The following PRKD1 variants were observed in gnomAD, a reference collection of about 807,000 sequenced individuals.
PRKD1 encodes serine/threonine-protein kinase D1.
In PRKD1, 63 loss-of-function variants were observed where a neutral mutation model predicts 95.9. That is an observed-to-expected ratio of 0.66 (90% CI 0.54 to 0.81). PRKD1 has a LOEUF of 0.81. PRKD1 is among the 30% of genes least tolerant of loss of function. PRKD1 has a pLI of 0.00. For missense variants in PRKD1, 1,048 were observed against 1,165.3 expected (o/e 0.90, Z 1.47); for synonymous variants, 425 against 423.1 (o/e 1.00, Z -0.05).
chr14:29,757,950 T>C (rs898172296), intron 1 of PRKD1, among the ~76,000 whole-genome samples: 5 of 152,022 alleles, frequency 3.3e-5, no homozygotes, highest in African/African-American at 1.2e-4. Flanking sequence ...ATCCACCAGA[T>C]CATGTTGACA....
At chr14:29,722,755 G>C (rs1022919402) in intron 2 of PRKD1, among the ~76,000 whole-genome samples, 7 of 152,160 alleles carry the variant, frequency 4.6e-5, no homozygotes, top group Admixed American at 3.3e-4. Flanking sequence ...TGGCAAAAAT[G>C]GGTGGTAAAG....
chr14:29,700,135 T>C (rs984690515), intron 2 of PRKD1, among the ~76,000 whole-genome samples: 9 of 152,008 alleles, frequency 5.9e-5, no homozygotes, highest in African/African-American at 1.7e-4. Context: ...AAATTCCAGA[T>C]ATTTTGTCAT....
At chr14:29,888,239 C>G (rs1469319121) in intron 1 of PRKD1, among the ~76,000 whole-genome samples, 1 of 150,654 alleles carries the variant, frequency 6.6e-6, no homozygotes, top group Non-Finnish European at 1.5e-5. Context: ...AGGAGTGATC[C>G]TATGATTTTG....
At chr14:29,857,274 C>G (rs978376944) in intron 1 of PRKD1, among the ~76,000 whole-genome samples, 1 of 152,146 alleles carries the variant, frequency 6.6e-6, no homozygotes. Context: ...AGCATGAACC[C>G]TATCCACACT....
At position 29,626,472 on chromosome 14, in the gene PRKD1, G is replaced by A. The variant is rs1317579444; in HGVS notation, c.1798+12C>T. ...TTTTAAGTTCATAAAAATACTCAGT[G>A]AGATAACCTACCTCCATAAACAATT... On this transcript the variant is annotated intron_variant, in intron 12 of 17. Coordinates refer to ENST00000331968, the MANE Select transcript of PRKD1 (RefSeq NM_002742.3). 5.6e-6 allele frequency: 9 copies of A among 1,598,538 alleles called. No homozygotes were observed. In the East Asian group the frequency reaches 1.8e-4, roughly 32 times the overall value.
In PRKD1 at chr14:29,901,972, A is replaced by C. The variant is rs895689695; in HGVS notation, c.264+25277T>G. On this transcript the variant is annotated intron_variant, in intron 1 of 17. Transcript: ENST00000331968. The stretch of plus-strand genomic sequence containing the variant: ...ACAGAGTTTGACACATACAAACTCA[A>C]TATACATCTATATAGGACAATAACT... Among the ~76,000 whole-genome samples the C allele has an allele frequency of 2.0e-5, 3 of 152,240 alleles. No individual in the cohort carries two copies. The East Asian group carries it at 5.8e-4, about 29-fold the overall frequency.
At chr14:29,761,803 C>T (rs45589731) in intron 1 of PRKD1, among the ~76,000 whole-genome samples, 11 of 134,108 alleles carry the variant, frequency 8.2e-5, no homozygotes, top group African/African-American at 2.6e-4. Flanking sequence ...TTTTTTGAGA[C>T]GCAAGGTCTC....
At chr14:29,760,041 A>G (rs1887901122) in intron 1 of PRKD1, among the ~76,000 whole-genome samples, 6 of 152,216 alleles carry the variant, frequency 3.9e-5, no homozygotes, top group Admixed American at 3.9e-4. Flanking sequence ...TAGTTATTAA[A>G]TAAGAGGCCA....
chr14:29,689,690 A>T lies in PRKD1; in HGVS notation c.404-23482T>A, dbSNP rs184984148. On this transcript the variant is annotated intron_variant, in intron 2 of 17. Coordinates refer to ENST00000331968, the MANE Select transcript of PRKD1 (RefSeq NM_002742.3). ...CATGGACGTGTATGTTCATTGCAGCACTCTTTACAATAGCAAGACATGGAA... is the reference window on the plus strand; with the variant it reads ...CATGGACGTGTATGTTCATTGCAGCTCTCTTTACAATAGCAAGACATGGAA... 2.0e-5 allele frequency among the ~76,000 whole-genome samples: 3 copies of T among 152,320 alleles called. No homozygotes were observed. The East Asian group carries it at 5.8e-4, about 29-fold the overall frequency.
intron 1 of PRKD1, among the ~76,000 whole-genome samples, chr14:29,899,130 C>A (rs1425321520): frequency 6.6e-6 from 1 of 152,138 alleles, no homozygotes; most frequent in Non-Finnish European, 1.5e-5. Context: ...TACAAGCACA[C>A]ACCAATAGAA....
At chr14:29,709,323 G>A (rs1482181741) in intron 2 of PRKD1, among the ~76,000 whole-genome samples, 1 of 152,076 alleles carries the variant, frequency 6.6e-6, no homozygotes, top group Admixed American at 6.6e-5. Flanking sequence ...AATCATACCA[G>A]AATTCCAATT....
At chr14:29,729,389 T>A (rs12886946) in intron 1 of PRKD1, among the ~76,000 whole-genome samples, 26,859 of 152,040 alleles carry the variant, frequency 0.18, 2,625 homozygotes, top group South Asian at 0.26. Flanking sequence ...CTTAAGTGAC[T>A]TTTGGCAGTT....
rs534856502 is a variant in PRKD1 at position 29,767,999 on chromosome 14, G to A, written c.265-42325C>T. Among the ~76,000 whole-genome samples the A allele has an allele frequency of 9.0e-4, 137 of 152,256 alleles. 2 individuals carry two copies. The highest frequency in any genetic ancestry group is 3.2e-3 in the African/African-American group (133 of 41,540). On this transcript the variant is annotated intron_variant, in intron 1 of 17. Transcript: ENST00000331968. ...GTTTTATAACAGAGCAAACAAGTGT[G>A]TCATTTTAAAGATAAGAATTGACAA...
chr14:29,677,087 A>G (rs778121993), intron 2 of PRKD1, among the ~76,000 whole-genome samples: 4 of 152,186 alleles, frequency 2.6e-5, no homozygotes, highest in Non-Finnish European at 5.9e-5. Context: ...TTTAACAACA[A>G]CAAAAAAATT....
At chr14:29,909,287 A>ACCCCCCCCCC (rs1253809020) in intron 1 of PRKD1, among the ~76,000 whole-genome samples, 5 of 59,776 alleles carry the variant, frequency 8.4e-5, no homozygotes, top group African/African-American at 1.9e-4. Flanking sequence ...CCCCTACCCA[A>ACCCCCCCCCC]CCCCCCCCGC....
At chr14:29,870,999 A>T (rs1893085637) in intron 1 of PRKD1, among the ~76,000 whole-genome samples, 1 of 152,214 alleles carries the variant, frequency 6.6e-6, no homozygotes, top group Non-Finnish European at 1.5e-5. Flanking sequence ...GCTATTTCAC[A>T]AACACTTAGA....
In PRKD1 at chr14:29,578,169, A is replaced by C. The variant is rs559140161; in HGVS notation, c.2520+106T>G. 4.5e-5 allele frequency: 39 copies of C among 857,692 alleles called. No individual in the cohort carries two copies. The East Asian group carries it at 1.0e-3, about 22-fold the overall frequency. 53.1% of individuals were successfully genotyped at this position (857,692 alleles called of 1,614,324 possible). On this transcript the variant is annotated intron_variant, in intron 17 of 17. Transcript: ENST00000331968. ...GCATTTGAGCAAATAAATTGATATT[A>C]GAATAATCACACTTTAAAAATTATT... is the stretch of plus-strand genomic sequence containing the variant.
chr14:29,825,472 AT>A (rs1891073442), intron 1 of PRKD1, among the ~76,000 whole-genome samples: 1 of 152,052 alleles, frequency 6.6e-6, no homozygotes, highest in South Asian at 2.1e-4. Context: ...AGCAGGAGAA[AT>A]TCACTCTAGT....
intron 4 of PRKD1, among the ~76,000 whole-genome samples, chr14:29,662,115 G>A (rs73255583): frequency 0.022 from 3,349 of 152,098 alleles, 110 homozygotes; most frequent in African/African-American, 0.071. Flanking sequence ...ACAAAAATCC[G>A]TGTTAAATTA....
Sources: gnomAD v4.1 joint callset for allele counts (sites outside exome capture counted in the v4.1 genomes callset) on GRCh38, gnomAD v4.1.1 for gene constraint, MANE v1.5 for transcripts, NCBI Gene and HGNC (gene_info 2026-07-23, HGNC 2026-07-21) for gene names.